The following LINC00305 variants were observed in gnomAD, a reference collection of about 807,000 sequenced individuals.
LINC00305 encodes long intergenic non-protein coding RNA 305.
At chr18:64,089,251 A>T (rs972995841) in intron 3 of LINC00305, among the ~76,000 whole-genome samples, 3 of 152,148 alleles carry the variant, frequency 2.0e-5, no homozygotes, top group African/African-American at 7.2e-5. Context: ...TGATGGTTTT[A>T]CAAAGGGCAG....
intron 3 of LINC00305, among the ~76,000 whole-genome samples, chr18:64,090,139 A>T (rs929896348): frequency 5.3e-5 from 8 of 152,210 alleles, no homozygotes; most frequent in Non-Finnish European, 1.0e-4. Flanking sequence ...CTTTAAACCA[A>T]ACCTAGGTGG....
intron 1 of LINC00305, among the ~76,000 whole-genome samples, chr18:64,102,560 G>T (rs1232545185): frequency 6.6e-6 from 1 of 152,138 alleles, no homozygotes; most frequent in East Asian, 1.9e-4. Flanking sequence ...GGATAGGTGG[G>T]TATATTAGGC....
chr18:64,084,695 G>T (rs10503085), intron 3 of LINC00305, among the ~76,000 whole-genome samples: 2,922 of 152,308 alleles, frequency 0.019, 96 homozygotes, highest in African/African-American at 0.067. Context: ...TGCAGGGTTC[G>T]TGCATCCAAA....
chr18:64,085,117 AC>A (rs1407739529), intron 3 of LINC00305, among the ~76,000 whole-genome samples: 1 of 152,234 alleles, frequency 6.6e-6, no homozygotes, highest in Non-Finnish European at 1.5e-5. Flanking sequence ...GTGCCCACTG[AC>A]AACAACTTCA....
chr18:64,103,953 T>C (rs2051278516), intron 1 of LINC00305: 1 of 152,218 alleles, frequency 6.6e-6, no homozygotes, highest in Non-Finnish European at 1.5e-5. Context: ...TTTACATATG[T>C]ATATGGTTAT....
intron 1 of LINC00305, among the ~76,000 whole-genome samples, chr18:64,122,233 G>A (rs1424959568): frequency 6.6e-6 from 1 of 151,812 alleles, no homozygotes; most frequent in African/African-American, 2.4e-5. Flanking sequence ...GTGCTTTGGG[G>A]GTCTTAGTCA....
intron 3 of LINC00305, among the ~76,000 whole-genome samples, chr18:64,097,235 A>G (rs1171171020): frequency 1.3e-5 from 2 of 152,150 alleles, no homozygotes; most frequent in African/African-American, 2.4e-5. Context: ...ATTTTTAAAG[A>G]TGCTAATAGC....
At chr18:64,105,782 A>G (rs1260428344) in intron 1 of LINC00305, among the ~76,000 whole-genome samples, 1 of 152,222 alleles carries the variant, frequency 6.6e-6, no homozygotes, top group Non-Finnish European at 1.5e-5. Flanking sequence ...CAATACTACG[A>G]TAAATATCTC....
chr18:64,106,234 T>C (rs1453040798), intron 1 of LINC00305, among the ~76,000 whole-genome samples: 1 of 152,200 alleles, frequency 6.6e-6, no homozygotes, highest in Non-Finnish European at 1.5e-5. Context: ...CTGCTTAGCC[T>C]CTGAATCCCC....
chr18:64,139,030 T>C (rs1400520558), intron 1 of LINC00305, among the ~76,000 whole-genome samples: 8 of 152,298 alleles, frequency 5.3e-5, no homozygotes, highest in East Asian at 1.9e-4. Flanking sequence ...CTCCTCATAA[T>C]AGAACTTTTG....
At chr18:64,107,084 A>G (rs1172173655) in intron 1 of LINC00305, among the ~76,000 whole-genome samples, 2 of 152,374 alleles carry the variant, frequency 1.3e-5, no homozygotes, top group Admixed American at 6.5e-5. Flanking sequence ...TCATCTCTGC[A>G]TGGCAGAAAG....
intron 1 of LINC00305, among the ~76,000 whole-genome samples, chr18:64,129,979 C>T (rs897564312): frequency 7.7e-5 from 11 of 142,270 alleles, no homozygotes; most frequent in Non-Finnish European, 1.6e-4. Context: ...ATGTCATTTT[C>T]TTTTTTTTTT....
At chr18:64,144,970 A>G (rs1306460202) in intron 1 of LINC00305, among the ~76,000 whole-genome samples, 1 of 152,068 alleles carries the variant, frequency 6.6e-6, no homozygotes, top group African/African-American at 2.4e-5. Flanking sequence ...GCCTGTCCTT[A>G]TGGATAAGAT....
chr18:64,091,024 G>C (rs2051222877), intron 3 of LINC00305, among the ~76,000 whole-genome samples: 1 of 152,216 alleles, frequency 6.6e-6, no homozygotes, highest in African/African-American at 2.4e-5. Context: ...ACAAGAAAAG[G>C]AGGTATGTGC....
At chr18:64,113,969 C>CATAAAAATGAAAGAAA (rs1173140174) in intron 1 of LINC00305, among the ~76,000 whole-genome samples, 1 of 152,106 alleles carries the variant, frequency 6.6e-6, no homozygotes, top group East Asian at 1.9e-4. Flanking sequence ...ATGGGAAGCA[C>CATAAAAATGAAAGAAA]ATAAAAATGA....
At chr18:64,136,165 G>C (rs997003184) in intron 1 of LINC00305, among the ~76,000 whole-genome samples, 5 of 152,160 alleles carry the variant, frequency 3.3e-5, no homozygotes, top group African/African-American at 1.2e-4. Context: ...CTGTAGTAAT[G>C]CTAGTTAAAA....
chr18:64,115,054 GC>G (rs2051331847), intron 1 of LINC00305, among the ~76,000 whole-genome samples: 1 of 152,156 alleles, frequency 6.6e-6, no homozygotes. Context: ...ATGCTTTACT[GC>G]CACCATTGGT....
intron 1 of LINC00305, among the ~76,000 whole-genome samples, chr18:64,136,757 C>A (rs1389247689): frequency 1.3e-5 from 2 of 152,108 alleles, no homozygotes. Context: ...AGCTTAGGAG[C>A]CTGGCTTGTG....
At chr18:64,120,136 A>G (rs776722284) in intron 1 of LINC00305, among the ~76,000 whole-genome samples, 6 of 152,150 alleles carry the variant, frequency 3.9e-5, no homozygotes, top group Non-Finnish European at 7.4e-5. Flanking sequence ...TTCAACAAAG[A>G]GACCAGAGTA....
Sources: allele counts gnomAD v4.1 joint callset (sites outside exome capture counted in the v4.1 genomes callset), GRCh38; gene constraint gnomAD v4.1.1; transcripts MANE v1.5; gene names NCBI Gene and HGNC (gene_info 2026-07-23, HGNC 2026-07-21).